The following REM1 variants were observed in gnomAD, a reference collection of about 807,000 sequenced individuals.
The protein encoded by REM1 is RRAD and GEM like GTPase 1, also known as GTP-binding protein REM 1.
Under a neutral mutation model 27.0 loss-of-function variants are expected in REM1, and 20 were observed. That is an observed-to-expected ratio of 0.74 (90% CI 0.52 to 1.08). REM1 has a LOEUF of 1.08. Ranked by LOEUF, REM1 falls within the 50% of genes least tolerant of loss-of-function variation. REM1 has a pLI of 0.00. For missense variants in REM1, 405 were observed against 407.0 expected (o/e 1.00, Z 0.04); for synonymous variants, 159 against 167.9 (o/e 0.95, Z 0.41).
At chr20:31,477,944 G>T in intron 3 of REM1, 34 bp downstream of exon 3, 4 of 1,382,816 alleles carry the variant, frequency 2.9e-6, no homozygotes, top group African/African-American at 1.4e-5. Flanking sequence ...GGGGAGAGGG[G>T]TGCTGAGCCT....
chr20:31,478,180 C>T (rs773811675), intron 3 of REM1, among the ~76,000 whole-genome samples: 6 of 152,008 alleles, frequency 3.9e-5, no homozygotes, highest in Non-Finnish European at 8.8e-5. Context: ...ATTATTTCCA[C>T]CCTCTTCCCA....
In REM1 at chr20:31,484,408, G is replaced by A. The variant is rs1980853117; in HGVS notation, c.875G>A (p.Cys292Tyr). The change falls in exon 5 of 5, where the codon TGC becomes TAC. Residue 292 changes from cysteine to tyrosine, a missense_variant. Cys to Tyr is a radical substitution (Grantham distance 194, BLOSUM62 -2). Transcript: ENST00000201979. ...RRALKARSKS[C>Y]HNLAVL The stretch of plus-strand genomic sequence containing the variant: ...GCACTCAAGGCCCGCTCCAAGTCCT[G>A]CCACAATCTGGCCGTGCTCTGAAGC... The A allele has an allele frequency of 2.0e-6, 3 of 1,534,906 alleles. No individual in the cohort carries two copies. Among genetic ancestry groups the A allele is most frequent in the South Asian group, 1.2e-5 (1 of 80,182 alleles).
intron 3 of REM1, among the ~76,000 whole-genome samples, chr20:31,481,887 T>C (rs1980745525): frequency 6.6e-6 from 1 of 152,174 alleles, no homozygotes; most frequent in East Asian, 1.9e-4. Flanking sequence ...TTTCTCTTCA[T>C]TCTGGATTTC....
Position 31,484,200 on chromosome 20 carries a change from G to A in REM1, c.667G>A (p.Glu223Lys), listed in dbSNP as rs745484589. The A allele has an allele frequency of 1.9e-6, 3 of 1,607,162 alleles. No homozygotes were observed. The highest frequency in any genetic ancestry group is 1.1e-5 in the South Asian group (1 of 90,160). The change falls in exon 5 of 5, where the codon GAG becomes AAG. Residue 223 changes from glutamate to lysine, a missense_variant. By Grantham distance (56) the Glu-to-Lys change is moderately conservative. Transcript: ENST00000201979. The stretch of plus-strand genomic sequence containing the variant: ...TGTGGTGTTCGACTGTAAATTCATC[G>A]AGACATCCGCCACGCTGCAGCACAA... ...CAVVFDCKFI[E>K]TSATLQHNVA...
At chr20:31,480,269 A>T (rs1208176686) in intron 3 of REM1, among the ~76,000 whole-genome samples, 1 of 151,834 alleles carries the variant, frequency 6.6e-6, no homozygotes, top group African/African-American at 2.4e-5. Context: ...ATACATACAT[A>T]CATACATACA....
intron 4 of REM1, among the ~76,000 whole-genome samples, chr20:31,483,924 G>C (rs1437875500): frequency 6.6e-6 from 1 of 152,034 alleles, no homozygotes; most frequent in Admixed American, 6.6e-5. Context: ...AGGTAATTCC[G>C]ATCCACAGCA....
intron 4 of REM1, among the ~76,000 whole-genome samples, 157 bp downstream of exon 4, chr20:31,482,645 CTCA>C (rs1010313932): frequency 1.3e-5 from 2 of 152,184 alleles, no homozygotes; most frequent in Non-Finnish European, 2.9e-5. Context: ...TTGCCTCCCA[CTCA>C]TCACCCCCAA....
intron 3 of REM1, among the ~76,000 whole-genome samples, chr20:31,481,543 C>T (rs1037936904): frequency 5.3e-5 from 8 of 152,130 alleles, no homozygotes; most frequent in Admixed American, 1.3e-4. Context: ...TACACTATAA[C>T]TCCCATTTCC....
At position 31,484,305 on chromosome 20, in the gene REM1, C is replaced by T. The variant is rs1464553830; in HGVS notation, c.772C>T (p.Pro258Ser). ...RDSAAKEPPA[P>S]RRPASLAQRA... Reference sequence around the variant, plus strand: ...CAGTGCGGCCAAGGAACCCCCAGCACCCCGACGGCCGGCCAGCCTAGCCCA... The same window carrying T: ...CAGTGCGGCCAAGGAACCCCCAGCATCCCGACGGCCGGCCAGCCTAGCCCA... The change falls in exon 5 of 5, where the codon CCC becomes TCC. Residue 258 changes from proline to serine, a missense_variant. By Grantham distance (74) the Pro-to-Ser change is moderately conservative. Transcript: ENST00000201979. 2 of 1,580,502 alleles carry T rather than the reference C, an allele frequency of 1.3e-6. No individual in the cohort carries two copies. Among genetic ancestry groups the T allele is most frequent in the East Asian group, 2.3e-5 (1 of 43,636 alleles).
Position 31,476,336 on chromosome 20 carries a change from C to A in REM1, c.-110C>A. ...GGGGGATCTGGAAGAAGCCATACAG[C>A]AGCTCATCAGGACACTATAGAAAGA... On this transcript the variant is annotated 5_prime_UTR_variant, in exon 2 of 5. Coordinates refer to ENST00000201979, the MANE Select transcript of REM1 (RefSeq NM_014012.6). 2 of 859,272 alleles carry A rather than the reference C, an allele frequency of 2.3e-6. No individual in the cohort carries two copies. Among genetic ancestry groups the A allele is most frequent in the Non-Finnish European group, 3.7e-6 (2 of 540,648 alleles). 53.2% of individuals were successfully genotyped at this position (859,272 alleles called of 1,614,324 possible).
At chr20:31,479,244 C>CTCAT (rs1241552670) in intron 3 of REM1, among the ~76,000 whole-genome samples, 2 of 152,202 alleles carry the variant, frequency 1.3e-5, no homozygotes, top group South Asian at 2.1e-4. Flanking sequence ...CAGTCATTTG[C>CTCAT]TCATTCATTC....
Position 31,476,488 on chromosome 20 carries a change from CGG to C in REM1, c.44_45del (p.Arg15ProfsTer50), listed in dbSNP as rs1980505833. 1 of 1,611,426 alleles carries C rather than the reference CGG, an allele frequency of 6.2e-7. No individual in the cohort carries two copies. The highest frequency in any genetic ancestry group is 1.3e-5 in the African/African-American group (1 of 74,862). On this transcript the variant is annotated frameshift_variant, in exon 2 of 5. Coordinates refer to ENST00000201979, the MANE Select transcript of REM1 (RefSeq NM_014012.6). LOFTEE classifies it high-confidence loss of function. ...GCAGGAAGCAAAGACCCCTCTGCACCGGCGAGCCAGCACCCCACTGCCCCTGT... is the reference window on the plus strand; with the variant it reads ...GCAGGAAGCAAAGACCCCTCTGCACCCGAGCCAGCACCCCACTGCCCCTGT... ...TEQEAKTPLH[R>X]RASTPLPLSP... is the part of the protein sequence containing the mutation.
intron 3 of REM1, among the ~76,000 whole-genome samples, chr20:31,479,982 A>AG (rs1980659852): frequency 6.6e-6 from 1 of 152,118 alleles, no homozygotes; most frequent in Non-Finnish European, 1.5e-5. Flanking sequence ...CCAGCTACTC[A>AG]GGAGGCTAAG....
At position 31,476,701 on chromosome 20, in the gene REM1, C is replaced by G. The variant is rs755642483; in HGVS notation, c.256C>G (p.Leu86Val). 36 of 1,613,984 alleles carry G rather than the reference C, an allele frequency of 2.2e-5. No individual in the cohort carries two copies. The South Asian group carries it at 4.0e-4, about 18-fold the overall frequency. The change falls in exon 2 of 5, where the codon CTT becomes GTT. Residue 86 changes from leucine (L) to valine (V), a missense_variant. Leu to Val is a conservative substitution (Grantham distance 32, BLOSUM62 1). Coordinates refer to ENST00000201979, the MANE Select transcript of REM1 (RefSeq NM_014012.6). ...GGAGGCTCTCTACCGTGTGGTGCTACTTGGAGATCCTGGAGTGGGGAAGAC... is the reference window on the plus strand; with the variant it reads ...GGAGGCTCTCTACCGTGTGGTGCTAGTTGGAGATCCTGGAGTGGGGAAGAC... ...SWEALYRVVL[L>V]GDPGVGKTSL...
chr20:31,476,689 CGTGTG>C lies in REM1; in HGVS notation c.248_252del (p.Val83AlafsTer26), dbSNP rs1568761120. The stretch of plus-strand genomic sequence containing the variant: ...TGAAGGCTCCTGGGAGGCTCTCTAC[CGTGTG>C]GTGCTACTTGGAGATCCTGGAGTGG... On this transcript the variant is annotated frameshift_variant, in exon 2 of 5. Transcript: ENST00000201979. LOFTEE classifies it high-confidence loss of function. 2 of 1,614,116 alleles carry C rather than the reference CGTGTG, an allele frequency of 1.2e-6. No individual in the cohort carries two copies. Among genetic ancestry groups the C allele is most frequent in the South Asian group, 2.2e-5 (2 of 91,078 alleles).
rs73620401 is a variant in REM1, at chr20:31,484,770, CA to C, written c.*341del. The stretch of plus-strand genomic sequence containing the variant: ...CAGAAGGATGTCCCATCTGAATGCC[CA>C]GACCTCTCCATCTCGGCTCTTCCAG... On this transcript the variant is annotated 3_prime_UTR_variant, in exon 5 of 5. Coordinates refer to ENST00000201979, the MANE Select transcript of REM1 (RefSeq NM_014012.6). 6.5e-3 allele frequency: 1,840 copies of C among 283,952 alleles called. 99 individuals are homozygous for C. The East Asian group carries it at 0.1, about 16-fold the overall frequency. The allele number at this position is 283,952 out of a possible 1,614,324, so 17.6% of individuals were successfully genotyped here. A position where few individuals can be genotyped will look rare whatever the true frequency, so the allele number is the denominator to read the frequency against.
Position 31,482,406 on chromosome 20 carries a change from C to A in REM1, c.543C>A (p.Arg181=), listed in dbSNP as rs149196225. The A allele has an allele frequency of 3.7e-6, 6 of 1,614,074 alleles. No individual in the cohort carries two copies. Among genetic ancestry groups the A allele is most frequent in the Non-Finnish European group, 5.1e-6 (6 of 1,180,042 alleles). The change falls in exon 4 of 5, where the codon CGC becomes CGA. Residue 181 remains arginine (R), a synonymous_variant. Coordinates refer to ENST00000201979, the MANE Select transcript of REM1 (RefSeq NM_014012.6). ...SASELRIQLR[R]THQADHVPII... ...CTGAGCTCCGCATCCAGCTGCGGCG[C>A]ACACATCAGGCAGACCATGTGCCCA...
chr20:31,482,666 C>T (rs1204273640), intron 4 of REM1, among the ~76,000 whole-genome samples, 178 bp downstream of exon 4: 1 of 152,298 alleles, frequency 6.6e-6, no homozygotes, highest in East Asian at 1.9e-4. Context: ...CAAACCAGTC[C>T]CCAGATCCTG....
At chr20:31,483,257 G>C (rs190681533) in intron 4 of REM1, among the ~76,000 whole-genome samples, 1 of 152,130 alleles carries the variant, frequency 6.6e-6, no homozygotes, top group African/African-American at 2.4e-5. Context: ...CCAAGACCAC[G>C]CCACTGCACT....
Sources: allele counts gnomAD v4.1 joint callset (sites outside exome capture counted in the v4.1 genomes callset), GRCh38; gene constraint gnomAD v4.1.1; transcripts MANE v1.5; gene names NCBI Gene and HGNC (gene_info 2026-07-23, HGNC 2026-07-21).